The following SPATA6 variants were observed in gnomAD, a reference collection of about 807,000 sequenced individuals.
SPATA6 encodes the protein spermatogenesis-associated protein 6.
Under a neutral mutation model 65.3 loss-of-function variants are expected in SPATA6, and 56 were observed. The ratio of observed to expected loss-of-function variants is 0.86; its 90% CI spans 0.69 to 1.07. The LOEUF is 1.07. Among genes scored for constraint, SPATA6 ranks in the 50% least tolerant of loss-of-function variants. The pLI is 0.00. For missense variants in SPATA6, 590 were observed against 594.8 expected (o/e 0.99, Z 0.08); for synonymous variants, 199 against 213.2 (o/e 0.93, Z 0.58).
chr1:48,430,327 G>A (rs949659297), intron 3 of SPATA6, among the ~76,000 whole-genome samples: 10 of 152,006 alleles, frequency 6.6e-5, no homozygotes, highest in East Asian at 1.9e-4. Context: ...CAGTAGGCTC[G>A]TATATACAAA....
intron 11 of SPATA6, among the ~76,000 whole-genome samples, chr1:48,340,690 A>T (rs1002844256): frequency 1.3e-5 from 2 of 152,082 alleles, no homozygotes; most frequent in African/African-American, 4.8e-5. Flanking sequence ...TACAAATCCA[A>T]CAATATCAAG....
chr1:48,361,866 T>A (rs1646823010), intron 9 of SPATA6, among the ~76,000 whole-genome samples: 1 of 152,110 alleles, frequency 6.6e-6, no homozygotes, highest in Non-Finnish European at 1.5e-5. Flanking sequence ...TTACAACAAA[T>A]AATAAGTCAG....
rs532243456 is a variant in SPATA6, at chr1:48,296,859, G to A, written c.*1854C>T. 1.3e-5 allele frequency: 2 copies of A among 152,086 alleles called. No homozygotes were observed. The highest frequency in any genetic ancestry group is 1.9e-4 in the East Asian group (1 of 5,172). 9.4% of individuals were successfully genotyped at this position (152,086 alleles called of 1,614,324 possible). A position where few individuals can be genotyped will look rare whatever the true frequency, so the allele number is the denominator to read the frequency against. On this transcript the variant is annotated 3_prime_UTR_variant, in exon 13 of 13. Coordinates refer to ENST00000371847, the MANE Select transcript of SPATA6 (RefSeq NM_019073.4). ...GTGGTGGCAAGAATAACAAATAGTG[G>A]TACATGCTAAATTTAGTTTAGAAAA... is the stretch of plus-strand genomic sequence containing the variant.
At chr1:48,394,506 T>C (rs148863216) in intron 8 of SPATA6, among the ~76,000 whole-genome samples, 161 of 152,148 alleles carry the variant, frequency 1.1e-3, no homozygotes, top group African/African-American at 3.8e-3. Flanking sequence ...ATCACATCTA[T>C]CTCCCTGCTT....
intron 3 of SPATA6, among the ~76,000 whole-genome samples, chr1:48,442,885 C>A (rs1655657895): frequency 6.6e-6 from 1 of 152,274 alleles, no homozygotes; most frequent in African/African-American, 2.4e-5. Flanking sequence ...AGCACTGAGG[C>A]CACTGACAAC....
At chr1:48,366,726 T>C (rs1188797418) in intron 9 of SPATA6, among the ~76,000 whole-genome samples, 1 of 152,226 alleles carries the variant, frequency 6.6e-6, no homozygotes, top group Non-Finnish European at 1.5e-5. Flanking sequence ...ATCAATTTTG[T>C]TGATCTTTTC....
the SPATA6 span, among the ~76,000 whole-genome samples, chr1:48,264,833 T>C: frequency 6.6e-6 from 1 of 152,232 alleles, no homozygotes; most frequent in Non-Finnish European, 1.5e-5. Flanking sequence ...AACATATGTG[T>C]GCATGAGTCT....
In SPATA6 at chr1:48,426,951, G is replaced by T. The variant is rs560676799; in HGVS notation, c.239-13800C>A. ...AATCTTTTTTTTTTTTAAGAGATAG[G>T]GTCTCACTCTGTAACCCAGGCTGGA... On this transcript the variant is annotated intron_variant, in intron 3 of 12. Transcript: ENST00000371847. Among the ~76,000 whole-genome samples, 26 of 150,664 alleles carry T rather than the reference G, an allele frequency of 1.7e-4. No individual in the cohort carries two copies. In the East Asian group the frequency reaches 4.8e-3, roughly 28 times the overall value.
chr1:48,339,239 T>C (rs1646140356), intron 11 of SPATA6, among the ~76,000 whole-genome samples: 1 of 152,042 alleles, frequency 6.6e-6, no homozygotes, highest in African/African-American at 2.4e-5. Flanking sequence ...AGGACTTTGA[T>C]TAAGGTCAAA....
intron 9 of SPATA6, among the ~76,000 whole-genome samples, chr1:48,366,039 C>A (rs1372248233): frequency 6.6e-6 from 1 of 152,178 alleles, no homozygotes; most frequent in Admixed American, 6.5e-5. Context: ...TTTTCTGCAT[C>A]TATTGAGATA....
chr1:48,413,930 T>C (rs896192155), intron 3 of SPATA6, among the ~76,000 whole-genome samples: 2 of 152,228 alleles, frequency 1.3e-5, no homozygotes, highest in South Asian at 2.1e-4. Context: ...ACTGTATTTA[T>C]TTATACCATA....
At chr1:48,373,885 C>T (rs1297343493) in intron 9 of SPATA6, among the ~76,000 whole-genome samples, 8 of 152,182 alleles carry the variant, frequency 5.3e-5, no homozygotes, top group Admixed American at 1.3e-4. Flanking sequence ...CTTCCCACAA[C>T]ATAGGGGAAT....
At chr1:48,454,088 C>T (rs1250001642) in intron 1 of SPATA6, among the ~76,000 whole-genome samples, 1 of 150,200 alleles carries the variant, frequency 6.7e-6, no homozygotes, top group East Asian at 1.9e-4. Flanking sequence ...TATTAAATTG[C>T]ACTTAACTAT....
chr1:48,305,370 T>C (rs1645035457), intron 12 of SPATA6, among the ~76,000 whole-genome samples: 1 of 152,166 alleles, frequency 6.6e-6, no homozygotes, highest in African/African-American at 2.4e-5. Context: ...TCAAAAATCT[T>C]GATGAAATTT....
Position 48,355,787 on chromosome 1 carries a change from GT to G in SPATA6, c.1095-19del. On this transcript the variant is annotated intron_variant, in intron 10 of 12. Coordinates refer to ENST00000371847, the MANE Select transcript of SPATA6 (RefSeq NM_019073.4). Reference sequence around the variant, plus strand: ...AATGAAATCTGTAGGCAAAAAATAAGTTTTATTTTTGTTACTAAAATCAGGT... The same window carrying G: ...AATGAAATCTGTAGGCAAAAAATAAGTTTATTTTTGTTACTAAAATCAGGT... 1 of 1,588,316 alleles carries G rather than the reference GT, an allele frequency of 6.3e-7. No homozygotes were observed. Among genetic ancestry groups the G allele is most frequent in the Non-Finnish European group, 8.6e-7 (1 of 1,160,680 alleles).
At chr1:48,316,377 C>T (rs1287866103) in intron 11 of SPATA6, among the ~76,000 whole-genome samples, 5 of 151,972 alleles carry the variant, frequency 3.3e-5, no homozygotes, top group South Asian at 2.1e-4. Flanking sequence ...GAAATAATGC[C>T]GCATATCTAC....
At chr1:48,329,968 T>C (rs922467533) in intron 11 of SPATA6, among the ~76,000 whole-genome samples, 1 of 152,066 alleles carries the variant, frequency 6.6e-6, no homozygotes, top group Non-Finnish European at 1.5e-5. Flanking sequence ...AACTTCTGAG[T>C]CCAAGAGGAC....
intron 10 of SPATA6, among the ~76,000 whole-genome samples, chr1:48,358,437 T>C (rs72893241): frequency 0.025 from 3,753 of 151,778 alleles, 100 homozygotes; most frequent in African/African-American, 0.067. Flanking sequence ...TAAAAACATA[T>C]CCAAGGAAAT....
At chr1:48,362,309 C>G (rs930189151) in intron 9 of SPATA6, among the ~76,000 whole-genome samples, 12 of 152,042 alleles carry the variant, frequency 7.9e-5, no homozygotes, top group African/African-American at 2.9e-4. Flanking sequence ...AGGTGTCACA[C>G]TGTTGTTTCT....
Sources: gnomAD v4.1 joint callset for allele counts (sites outside exome capture counted in the v4.1 genomes callset) on GRCh38, gnomAD v4.1.1 for gene constraint, MANE v1.5 for transcripts, NCBI Gene and HGNC (gene_info 2026-07-23, HGNC 2026-07-21) for gene names.